Variants in AP3B1 observed in about 807,000 individuals in gnomAD.
AP3B1 encodes adaptor related protein complex 3 subunit beta 1.
AP3B1 carries 61 observed loss-of-function variants against 132.5 expected under a neutral mutation model. The ratio of observed to expected loss-of-function variants is 0.46; its 90% CI spans 0.37 to 0.57. The LOEUF (loss-of-function observed/expected upper bound fraction) is 0.57. Ranked by LOEUF, AP3B1 falls within the 20% of genes least tolerant of loss-of-function variation. The pLI is 0.00. For synonymous variants in AP3B1, 388 were observed against 438.3 expected, an observed-to-expected ratio of 0.89 and a Z score of 1.43; for missense variants, 1,120 against 1,289.4, an observed-to-expected ratio of 0.87 and a Z score of 2.01.
intron 21 of AP3B1, among the ~76,000 whole-genome samples, chr5:78,099,170 G>A (rs945355724): frequency 6.6e-6 from 1 of 152,140 alleles, no homozygotes; most frequent in African/African-American, 2.4e-5. Flanking sequence ...CATCAAATAC[G>A]CTGGCACCTT....
intron 24 of AP3B1, among the ~76,000 whole-genome samples, chr5:78,026,636 C>G (rs969619909): frequency 6.6e-6 from 1 of 152,152 alleles, no homozygotes; most frequent in Non-Finnish European, 1.5e-5. Flanking sequence ...TTGGCTAGAT[C>G]TATTTCCGTA....
chr5:78,279,022 A>G (rs541027007), intron 1 of AP3B1, among the ~76,000 whole-genome samples: 1 of 152,128 alleles, frequency 6.6e-6, no homozygotes, highest in Non-Finnish European at 1.5e-5. Flanking sequence ...TAAAAGATTA[A>G]AATGGTATCA....
Position 78,097,547 on chromosome 5 carries a change from G to C in AP3B1, c.2470+3406C>G, listed in dbSNP as rs4704482. The stretch of plus-strand genomic sequence containing the variant: ...CCCCGCCCGGCCAGCCGCCCCGTCC[G>C]GGAGGGAGGTAGGGGGTCAGCCCCC... On this transcript the variant is annotated intron_variant, in intron 21 of 26. Transcript: ENST00000255194. Among the ~76,000 whole-genome samples, 425 of 95,164 alleles carry C rather than the reference G, an allele frequency of 4.5e-3. 39 individuals carry two copies. Among genetic ancestry groups the C allele is most frequent in the Admixed American group, 0.02 (162 of 8,096 alleles). The allele number at this position is 95,164 out of a possible 152,430, so 62.4% of individuals were successfully genotyped here.
chr5:78,055,332 G>A (rs748549838), intron 22 of AP3B1, among the ~76,000 whole-genome samples: 16 of 152,146 alleles, frequency 1.1e-4, no homozygotes, highest in Non-Finnish European at 2.2e-4. Context: ...CTTCTCATGA[G>A]GCAGAATTAC....
intron 1 of AP3B1, among the ~76,000 whole-genome samples, chr5:78,289,465 C>A (rs1473492611): frequency 6.6e-6 from 1 of 152,164 alleles, no homozygotes; most frequent in Admixed American, 6.6e-5. Flanking sequence ...CTCTTTGAAT[C>A]TAAACAAATG....
At chr5:78,048,304 C>G (rs866933401) in intron 22 of AP3B1, among the ~76,000 whole-genome samples, 1 of 152,154 alleles carries the variant, frequency 6.6e-6, no homozygotes, top group Non-Finnish European at 1.5e-5. Context: ...TGGTTCAAGA[C>G]TAAGTGCTGG....
intron 7 of AP3B1, among the ~76,000 whole-genome samples, chr5:78,196,305 A>C (rs771893128): frequency 9.9e-5 from 15 of 152,248 alleles, no homozygotes; most frequent in Non-Finnish European, 2.1e-4. Context: ...GGAATTGCTA[A>C]CTAAAACCAA....
chr5:78,269,952 C>T (rs1748481746), intron 1 of AP3B1, among the ~76,000 whole-genome samples: 1 of 152,008 alleles, frequency 6.6e-6, no homozygotes, highest in South Asian at 2.1e-4. Context: ...CTCACTCTGT[C>T]ACCCAGGCTG....
intron 23 of AP3B1, among the ~76,000 whole-genome samples, chr5:78,036,664 G>A (rs886482529): frequency 1.3e-5 from 2 of 152,066 alleles, no homozygotes; most frequent in African/African-American, 4.8e-5. Context: ...AAGGAATACA[G>A]TTTCATGCCA....
At chr5:78,275,827 A>C (rs1748750300) in intron 1 of AP3B1, among the ~76,000 whole-genome samples, 1 of 152,176 alleles carries the variant, frequency 6.6e-6, no homozygotes, top group African/African-American at 2.4e-5. Context: ...GAAACGAAAA[A>C]TTCAATAAAG....
intron 24 of AP3B1, among the ~76,000 whole-genome samples, chr5:78,029,497 T>A (rs1484371596): frequency 2.7e-5 from 4 of 148,660 alleles, no homozygotes; most frequent in Admixed American, 6.9e-5. Context: ...TTAAATTTTG[T>A]TTTTTACCTG....
At chr5:78,084,666 T>C (rs1274457309) in intron 22 of AP3B1, among the ~76,000 whole-genome samples, 1 of 152,034 alleles carries the variant, frequency 6.6e-6, no homozygotes, top group East Asian at 1.9e-4. Context: ...GTATTGCTTT[T>C]TGGGTAATAG....
chr5:78,231,421 G>A (rs532338281), intron 3 of AP3B1, among the ~76,000 whole-genome samples: 29 of 152,076 alleles, frequency 1.9e-4, no homozygotes, highest in Admixed American at 4.6e-4. Context: ...TGATCTGCCC[G>A]CCTCGGCCTC....
At chr5:78,260,726 A>C (rs1020425426) in intron 2 of AP3B1, among the ~76,000 whole-genome samples, 1 of 152,194 alleles carries the variant, frequency 6.6e-6, no homozygotes, top group Non-Finnish European at 1.5e-5. Flanking sequence ...TATTTAAAAT[A>C]AATGTCCAAA....
Position 78,243,728 on chromosome 5 carries a change from G to A in AP3B1, c.205-2792C>T, listed in dbSNP as rs79756814. Among the ~76,000 whole-genome samples the A allele has an allele frequency of 6.8e-3, 1,032 of 152,280 alleles. 9 individuals are homozygous for A. Among genetic ancestry groups the A allele is most frequent in the Non-Finnish European group, 0.01 (692 of 68,026 alleles). The stretch of plus-strand genomic sequence containing the variant: ...GGAAGGGACCCATGTGACTAGCTAG[G>A]GAAACAATGGTTTAGGCATGGCATG... On this transcript the variant is annotated intron_variant, in intron 2 of 26. Transcript: ENST00000255194.
intron 7 of AP3B1, among the ~76,000 whole-genome samples, 172 bp from the exon 8 acceptor site, chr5:78,181,834 A>T (rs994745388): frequency 6.6e-6 from 1 of 152,128 alleles, no homozygotes; most frequent in African/African-American, 2.4e-5. Flanking sequence ...AGGTCTATTG[A>T]TTTTTCTCAT....
intron 11 of AP3B1, among the ~76,000 whole-genome samples, chr5:78,174,729 C>T (rs1041383645): frequency 5.3e-5 from 8 of 152,228 alleles, no homozygotes; most frequent in African/African-American, 1.9e-4. Flanking sequence ...GCTCAAACAC[C>T]AAGCTGGGAG....
At chr5:78,238,502 C>T (rs1263084525) in intron 3 of AP3B1, among the ~76,000 whole-genome samples, 1 of 152,028 alleles carries the variant, frequency 6.6e-6, no homozygotes, top group Non-Finnish European at 1.5e-5. Flanking sequence ...GTGCCAAAAA[C>T]GTTGGGGACT....
At chr5:78,215,422 AAAG>A (rs774741860) in intron 7 of AP3B1, among the ~76,000 whole-genome samples, 58 of 152,124 alleles carry the variant, frequency 3.8e-4, no homozygotes, top group Non-Finnish European at 5.6e-4. Context: ...AATATGATGA[AAAG>A]AATAAGGCAT....
Sources: allele counts gnomAD v4.1 joint callset (sites outside exome capture counted in the v4.1 genomes callset), GRCh38; gene constraint gnomAD v4.1.1; transcripts MANE v1.5; gene names NCBI Gene and HGNC (gene_info 2026-07-23, HGNC 2026-07-21).